Variants in AQP11 observed in about 807,000 individuals in gnomAD.
AQP11 encodes aquaporin 11.
A neutral mutation model predicts 21.1 loss-of-function variants in AQP11; 20 were observed. That is an observed-to-expected ratio of 0.95 (90% CI 0.67 to 1.38). The LOEUF is 1.38. Among genes scored for constraint, AQP11 ranks in the 40% most tolerant of loss-of-function variants. The pLI is 0.00. For synonymous variants in AQP11, 167 were observed against 150.1 expected (o/e 1.11, Z -0.82); for missense variants, 339 against 340.4 (o/e 1.00, Z 0.03).
intron 1 of AQP11, among the ~76,000 whole-genome samples, chr11:77,592,467 C>G (rs1207487611): frequency 6.6e-6 from 1 of 152,142 alleles, no homozygotes; most frequent in African/African-American, 2.4e-5. Flanking sequence ...GCAGTAAAAA[C>G]TTAAAAAAGA....
chr11:77,592,128 G>A (rs921311515), intron 1 of AQP11, among the ~76,000 whole-genome samples: 36 of 152,150 alleles, frequency 2.4e-4, no homozygotes, highest in South Asian at 2.1e-4. Context: ...TTAGCCGGGC[G>A]TGCTGGTGCG....
chr11:77,596,453 A>ATATATATATATATATGT (rs1473314822), intron 1 of AQP11, among the ~76,000 whole-genome samples: 5 of 122,032 alleles, frequency 4.1e-5, no homozygotes, highest in Non-Finnish European at 6.6e-5. Flanking sequence ...TTAAAAAAAA[A>ATATATATATATATATGT]AAATATATAT....
At position 77,590,483 on chromosome 11, in the gene AQP11, T is replaced by G; in HGVS notation, c.491T>G (p.Leu164Arg). 6.2e-7 allele frequency: 1 copy of G among 1,614,148 alleles called. No individual in the cohort carries two copies. The highest frequency in any genetic ancestry group is 1.1e-5 in the South Asian group (1 of 91,076). ...ACKNPIRVDL[L>R]KAVITEAVCS... ...AAGAATCCCATCCGAGTCGACTTGC[T>G]CAAAGCGGTCATCACAGAGGCCGTC... The change falls in exon 1 of 3, where the codon CTC (leucine) becomes CGC (arginine). Residue 164 changes from leucine (L) to arginine (R), a missense_variant. Leu to Arg is a moderately radical substitution (Grantham distance 102). Transcript: ENST00000313578.
chr11:77,604,483 C>T (rs1958832964), intron 2 of AQP11, among the ~76,000 whole-genome samples: 1 of 152,178 alleles, frequency 6.6e-6, no homozygotes, highest in African/African-American at 2.4e-5. Context: ...TTTGTTTAGT[C>T]ATCTGTTTTA....
rs1352349264 is a variant in AQP11, at chr11:77,590,408, G to A, written c.416G>A (p.Trp139Ter). The A allele has an allele frequency of 6.2e-7, 1 of 1,613,986 alleles. No individual in the cohort carries two copies. Among genetic ancestry groups the A allele is most frequent in the Admixed American group, 1.7e-5 (1 of 60,020 alleles). ...AGCAGGTACTGCACAAGCGCCTTGTGGAGCTTGGGTCTGACCCAGTATCAC... is the reference window on the plus strand; with the variant it reads ...AGCAGGTACTGCACAAGCGCCTTGTAGAGCTTGGGTCTGACCCAGTATCAC... Reference protein sequence around the residue: ...LCSRYCTSALWSLGLTQYHVS... With the variant: ...LCSRYCTSAL The change falls in exon 1 of 3, where the codon TGG (tryptophan) becomes TAG (stop). Residue 139 changes from tryptophan to a stop codon, truncating the protein, a stop_gained. Transcript: ENST00000313578. LOFTEE classifies it high-confidence loss of function.
At position 77,593,624 on chromosome 11, in the gene AQP11, G is replaced by A. The variant is rs555145223; in HGVS notation, c.619+3013G>A. ...TGCACTCCAGCCTGGGAGACAGAGC[G>A]AGAGAGCGAGACTCCGTCTCAAAAA... On this transcript the variant is annotated intron_variant, in intron 1 of 2. Transcript: ENST00000313578. Among the ~76,000 whole-genome samples, 335 of 151,700 alleles carry A rather than the reference G, an allele frequency of 2.2e-3. 2 individuals are homozygous for A. Among genetic ancestry groups the A allele is most frequent in the African/African-American group, 7.9e-3 (327 of 41,386 alleles).
intron 2 of AQP11, among the ~76,000 whole-genome samples, chr11:77,607,144 A>G (rs1013803276): frequency 6.6e-5 from 10 of 152,222 alleles, no homozygotes; most frequent in African/African-American, 2.2e-4. Flanking sequence ...TGATTTTTAG[A>G]ATACTGCATT....
chr11:77,590,529 C>T lies in AQP11; in HGVS notation c.537C>T (p.Ser179=), dbSNP rs1958741093. The T allele has an allele frequency of 1.2e-6, 2 of 1,614,076 alleles. No individual in the cohort carries two copies. The highest frequency in any genetic ancestry group is 1.7e-5 in the Admixed American group (1 of 59,998). Residue 179 remains serine, a synonymous_variant, in exon 1 of 3, where the codon AGC becomes AGT. Transcript: ENST00000313578. ...TEAVCSFLFH[S]ALLHFQEVRT... is the part of the protein sequence containing the mutation. ...CCGTCTGCTCCTTTCTCTTCCACAG[C>T]GCTCTGCTGCACTTCCAGGAAGTCC... is the stretch of plus-strand genomic sequence containing the variant.
chr11:77,600,311 C>G (rs1235117195), intron 1 of AQP11, among the ~76,000 whole-genome samples: 3 of 152,162 alleles, frequency 2.0e-5, no homozygotes, highest in East Asian at 3.9e-4. Context: ...TATGCGTATA[C>G]TTGTGTTAAC....
At chr11:77,595,733 C>A (rs1237970577) in intron 1 of AQP11, among the ~76,000 whole-genome samples, 2 of 150,280 alleles carry the variant, frequency 1.3e-5, no homozygotes, top group African/African-American at 4.9e-5. Context: ...ACCAGCCTGA[C>A]CAACATGGAG....
At chr11:77,595,024 A>AT (rs1369256218) in intron 1 of AQP11, among the ~76,000 whole-genome samples, 1 of 152,124 alleles carries the variant, frequency 6.6e-6, no homozygotes, top group Admixed American at 6.5e-5. Flanking sequence ...AGCTGCATTC[A>AT]TTTTTTATGC....
chr11:77,591,293 T>G, intron 1 of AQP11: 1 of 984,702 alleles, frequency 1.0e-6, no homozygotes, highest in East Asian at 1.1e-4. Flanking sequence ...TTTAAACCAT[T>G]TGTTTACTTT....
chr11:77,601,344 C>CTTTTT (rs36104720), intron 1 of AQP11, among the ~76,000 whole-genome samples: 4 of 129,430 alleles, frequency 3.1e-5, no homozygotes, highest in Non-Finnish European at 4.8e-5. Flanking sequence ...CCATTCAAAA[C>CTTTTT]TTTTTTTTTT....
In AQP11 at chr11:77,590,061, G is replaced by C. The variant is rs145292687; in HGVS notation, c.69G>C (p.Ser23=). ...GCACCTCGCTGGGACTGATGCTGTC[G>C]GTGGTGCTGCTCATGGGGCTGGCCC... The part of the protein sequence containing the change: ...DTCTSLGLML[S]VVLLMGLARV... Residue 23 remains serine, a synonymous_variant, in exon 1 of 3, where the codon TCG becomes TCC. Coordinates refer to ENST00000313578, the MANE Select transcript of AQP11 (RefSeq NM_173039.3). 4 of 1,600,980 alleles carry C rather than the reference G, an allele frequency of 2.5e-6. No homozygotes were observed. In the African/African-American group the frequency reaches 4.0e-5, roughly 16 times the overall value.
chr11:77,596,134 G>A (rs1009806233), intron 1 of AQP11, among the ~76,000 whole-genome samples: 1 of 151,918 alleles, frequency 6.6e-6, no homozygotes, highest in Non-Finnish European at 1.5e-5. Flanking sequence ...GGAGGCGGGC[G>A]GATCACCTGA....
chr11:77,600,108 C>T (rs896982915), intron 1 of AQP11, among the ~76,000 whole-genome samples: 4 of 148,714 alleles, frequency 2.7e-5, no homozygotes, highest in Admixed American at 6.8e-5. Flanking sequence ...TACAGGTGCA[C>T]GCCACCATGC....
chr11:77,596,487 A>AAT (rs1206487952), intron 1 of AQP11, among the ~76,000 whole-genome samples: 1,614 of 111,294 alleles, frequency 0.015, 64 homozygotes, highest in African/African-American at 0.054. Context: ...TATATGTGTA[A>AAT]ATATATGTGT....
intron 1 of AQP11, among the ~76,000 whole-genome samples, chr11:77,592,323 G>A (rs1958754008): frequency 6.6e-6 from 1 of 151,984 alleles, no homozygotes; most frequent in Middle Eastern, 3.2e-3. Flanking sequence ...CATATTTGAG[G>A]GATTGGTGGG....
rs112759252 is a variant in AQP11 at position 77,605,298 on chromosome 11, A to T, written c.736+1626A>T. Among the ~76,000 whole-genome samples, 854 of 152,344 alleles carry T rather than the reference A, an allele frequency of 5.6e-3. 8 individuals carry two copies. The highest frequency in any genetic ancestry group is 0.02 in the African/African-American group (814 of 41,592). The stretch of plus-strand genomic sequence containing the variant: ...TTGGGCAGGCCTACAGGTAGTTTTT[A>T]TATGAAAAAATTCCCCCAGTATGTC... On this transcript the variant is annotated intron_variant, in intron 2 of 2. Coordinates refer to ENST00000313578, the MANE Select transcript of AQP11 (RefSeq NM_173039.3).
Sources: gnomAD v4.1 joint callset for allele counts (sites outside exome capture counted in the v4.1 genomes callset) on GRCh38, gnomAD v4.1.1 for gene constraint, MANE v1.5 for transcripts, NCBI Gene and HGNC (gene_info 2026-07-23, HGNC 2026-07-21) for gene names.